COL24A1: variants seen among roughly 807,000 people sequenced by gnomAD.
COL24A1 encodes collagen type XXIV alpha 1 chain.
COL24A1 carries 224 observed loss-of-function variants against 253.9 expected under a neutral mutation model. The ratio of observed to expected loss-of-function variants is 0.88; its 90% CI spans 0.79 to 0.99. The LOEUF is 0.99. Ranked by LOEUF, COL24A1 falls within the 50% of genes least tolerant of loss-of-function variation. The pLI, the probability that COL24A1 is intolerant of heterozygous loss-of-function variation, is 0.00. For missense variants in COL24A1, 2,131 were observed against 2,068.5 expected (o/e 1.03, Z -0.59); for synonymous variants, 685 against 673.7 (o/e 1.02, Z -0.26).
At chr1:85,834,819 C>T (rs757706011) in intron 43 of COL24A1, among the ~76,000 whole-genome samples, 21 of 152,064 alleles carry the variant, frequency 1.4e-4, no homozygotes, top group Admixed American at 7.2e-4. Context: ...GGCTCTCAAG[C>T]GTCAAATAAA....
intron 47 of COL24A1, among the ~76,000 whole-genome samples, chr1:85,794,261 T>C (rs1670594200): frequency 6.6e-6 from 1 of 152,196 alleles, no homozygotes; most frequent in Non-Finnish European, 1.5e-5. Flanking sequence ...AGAACCATTT[T>C]GCCTCACTTT....
chr1:86,063,713 A>G lies in COL24A1; in HGVS notation c.1752+2T>C. The stretch of plus-strand genomic sequence containing the variant: ...TACAAGTCTTATAAAGGAAGTACCT[A>G]CTTGTTCACCTGGAAGTCCTGGGAG... On this transcript the variant is annotated splice_donor_variant, in intron 8 of 59. Transcript: ENST00000370571. LOFTEE classifies it high-confidence loss of function. The G allele has an allele frequency of 6.5e-7, 1 of 1,548,190 alleles. No individual in the cohort carries two copies. The highest frequency in any genetic ancestry group is 1.2e-5 in the South Asian group (1 of 80,182).
At chr1:86,108,646 A>G (rs1370637151) in intron 5 of COL24A1, among the ~76,000 whole-genome samples, 1 of 103,572 alleles carries the variant, frequency 9.7e-6, no homozygotes, top group Non-Finnish European at 2.1e-5. Flanking sequence ...AAAAAAAAAA[A>G]AAAATTTTAA....
At chr1:85,872,108 A>T (rs1680579303) in intron 35 of COL24A1, among the ~76,000 whole-genome samples, 1 of 152,200 alleles carries the variant, frequency 6.6e-6, no homozygotes, top group Admixed American at 6.6e-5. Context: ...CTTCAAAGAG[A>T]ATAAAATACC....
At chr1:86,127,597 G>C (rs1481194727) in intron 2 of COL24A1, among the ~76,000 whole-genome samples, 3 of 151,810 alleles carry the variant, frequency 2.0e-5, no homozygotes, top group Non-Finnish European at 2.9e-5. Context: ...ATTATTCTTT[G>C]GGTTATAAAT....
At chr1:85,829,846 A>C (rs1392899095) in intron 43 of COL24A1, among the ~76,000 whole-genome samples, 1 of 151,970 alleles carries the variant, frequency 6.6e-6, no homozygotes, top group South Asian at 2.1e-4. Context: ...CAAAGTTTTC[A>C]ACTTCTTTGC....
At chr1:85,792,300 C>A (rs554672774) in intron 47 of COL24A1, among the ~76,000 whole-genome samples, 1 of 151,738 alleles carries the variant, frequency 6.6e-6, no homozygotes, top group Non-Finnish European at 1.5e-5. Flanking sequence ...TATTGAATAT[C>A]ATCTATGCAT....
intron 59 of COL24A1, among the ~76,000 whole-genome samples, chr1:85,732,893 T>C (rs999545218): frequency 3.3e-5 from 5 of 152,170 alleles, no homozygotes; most frequent in African/African-American, 1.2e-4. Flanking sequence ...CTATTATTAT[T>C]GTAACAGATG....
chr1:85,901,610 A>G (rs558786311), intron 28 of COL24A1, among the ~76,000 whole-genome samples: 1 of 152,118 alleles, frequency 6.6e-6, no homozygotes, highest in Non-Finnish European at 1.5e-5. Context: ...CAGGAGTTTG[A>G]GACCAGCCTG....
chr1:86,089,551 G>A (rs1703330988), intron 6 of COL24A1, among the ~76,000 whole-genome samples: 1 of 152,204 alleles, frequency 6.6e-6, no homozygotes, highest in Admixed American at 6.5e-5. Context: ...TGGGCGCGGT[G>A]GCCCAGGCCT....
Position 86,125,583 on chromosome 1 carries a change from T to C in COL24A1, c.753A>G (p.Glu251=). ...TGAGAGTTGTACAAGGAATGCTTGT[T>C]TCAGGTTGGTATTTGTCTGCTTGGC... is the stretch of plus-strand genomic sequence containing the variant. ...QCRQADKYQP[E]TSIPCTTLIP... Residue 251 remains glutamate (E), a synonymous_variant, in exon 3 of 60, where the codon GAA becomes GAG. Coordinates refer to ENST00000370571, the MANE Select transcript of COL24A1 (RefSeq NM_152890.7). 3.1e-6 allele frequency: 5 copies of C among 1,613,492 alleles called. No homozygotes were observed. The highest frequency in any genetic ancestry group is 2.2e-5 in the South Asian group (2 of 91,060).
At chr1:86,120,744 A>G (rs1034730119) in intron 3 of COL24A1, among the ~76,000 whole-genome samples, 6 of 152,170 alleles carry the variant, frequency 3.9e-5, no homozygotes, top group Non-Finnish European at 8.8e-5. Flanking sequence ...CGATTCCTCA[A>G]GGATCTAGAA....
At chr1:86,016,903 G>A (rs1446160419) in intron 19 of COL24A1, among the ~76,000 whole-genome samples, 2 of 152,262 alleles carry the variant, frequency 1.3e-5, no homozygotes, top group East Asian at 3.9e-4. Flanking sequence ...TAATAGCTGT[G>A]CAGAACAAAT....
intron 53 of COL24A1, among the ~76,000 whole-genome samples, chr1:85,764,491 CA>C (rs1465280575): frequency 1.3e-5 from 2 of 149,134 alleles, no homozygotes; most frequent in Non-Finnish European, 3.0e-5. Context: ...CACACACACA[CA>C]CACACACACA....
intron 35 of COL24A1, among the ~76,000 whole-genome samples, chr1:85,870,506 C>CA (rs1334273664): frequency 6.6e-6 from 1 of 152,186 alleles, no homozygotes; most frequent in African/African-American, 2.4e-5. Context: ...TCTCTCAGAC[C>CA]ACAGTGCAAT....
intron 1 of COL24A1, chr1:86,155,988 G>C (rs1373225876): frequency 4.5e-6 from 1 of 222,914 alleles, no homozygotes. Flanking sequence ...AGAAGGGGAG[G>C]AGGGCGCGAG....
chr1:85,913,608 C>T lies in COL24A1; in HGVS notation c.2563-2175G>A, dbSNP rs562797998. 5.9e-5 allele frequency among the ~76,000 whole-genome samples: 9 copies of T among 152,258 alleles called. No homozygotes were observed. In the South Asian group the frequency reaches 1.9e-3, roughly 32 times the overall value. Reference sequence around the variant, plus strand: ...ATCCGGCCACTTTGGGCTTCTTATGCCCCTGAATCAACAGCCAAAGAAGGG... The same window carrying T: ...ATCCGGCCACTTTGGGCTTCTTATGTCCCTGAATCAACAGCCAAAGAAGGG... On this transcript the variant is annotated intron_variant, in intron 24 of 59. Coordinates refer to ENST00000370571, the MANE Select transcript of COL24A1 (RefSeq NM_152890.7).
chr1:85,975,553 C>A (rs1226424216), intron 20 of COL24A1, among the ~76,000 whole-genome samples: 3 of 151,778 alleles, frequency 2.0e-5, no homozygotes, highest in African/African-American at 7.3e-5. Context: ...TATGTGGAAG[C>A]TAAAAAAAAA....
intron 53 of COL24A1, among the ~76,000 whole-genome samples, chr1:85,766,777 A>G (rs2101190805): frequency 2.0e-5 from 3 of 152,278 alleles, no homozygotes; most frequent in Middle Eastern, 3.4e-3. Flanking sequence ...TAATAAATTC[A>G]TAGTTTAATA....
Sources: gnomAD v4.1 joint callset for allele counts (sites outside exome capture counted in the v4.1 genomes callset) on GRCh38, gnomAD v4.1.1 for gene constraint, MANE v1.5 for transcripts, NCBI Gene and HGNC (gene_info 2026-07-23, HGNC 2026-07-21) for gene names.